The following ZNF236 variants were observed in gnomAD, a reference collection of about 807,000 sequenced individuals.
The protein encoded by ZNF236 is regulated by glucose.
A neutral mutation model predicts 191.2 loss-of-function variants in ZNF236; 50 were observed. The observed-to-expected ratio is 0.26, with a 90% confidence interval of 0.21 to 0.33. The LOEUF is 0.33. Ranked by LOEUF, ZNF236 falls within the 10% of genes least tolerant of loss-of-function variation. ZNF236 has a pLI of 1.00. For synonymous variants in ZNF236, 907 were observed against 928.8 expected (o/e 0.98, Z 0.43); for missense variants, 1,754 against 2,374.5 (o/e 0.74, Z 5.43).
intron 9 of ZNF236, among the ~76,000 whole-genome samples, chr18:76,894,659 C>T (rs936005605): frequency 6.6e-6 from 1 of 152,004 alleles, no homozygotes; most frequent in Non-Finnish European, 1.5e-5. Context: ...AATACTTATT[C>T]CAGTGTCATT....
chr18:76,919,735 CTTCA>C lies in ZNF236; in HGVS notation c.3275-38_3275-35del, dbSNP rs746511703. Reference sequence around the variant, plus strand: ...TTGTTTTGCTAAAAACCTAGGTTTTCTTCATTACGATTTTGATCCCTTTTCCTTG... The same window carrying C: ...TTGTTTTGCTAAAAACCTAGGTTTTCTTACGATTTTGATCCCTTTTCCTTG... On this transcript the variant is annotated intron_variant, in intron 19 of 30. Coordinates refer to ENST00000320610, the MANE Select transcript of ZNF236 (RefSeq NM_001306089.2). The surrounding 1 kb of genome is among the most constrained non-coding windows in gnomAD (Gnocchi z 5.3). 6.3e-7 allele frequency: 1 copy of C among 1,599,964 alleles called. No homozygotes were observed. The highest frequency in any genetic ancestry group is 1.3e-5 in the African/African-American group (1 of 74,442).
At chr18:76,848,531 T>C (rs1975768151) in intron 1 of ZNF236, among the ~76,000 whole-genome samples, 1 of 152,238 alleles carries the variant, frequency 6.6e-6, no homozygotes, top group Non-Finnish European at 1.5e-5. Context: ...TATAGTCTTA[T>C]TTGAAAATAC....
chr18:76,930,637 G>A (rs1375393385), intron 25 of ZNF236, among the ~76,000 whole-genome samples: 5 of 152,188 alleles, frequency 3.3e-5, no homozygotes, highest in East Asian at 3.9e-4. Flanking sequence ...CACAGCACAC[G>A]GGAAACCGCA....
chr18:76,917,303 C>A (rs561871121), intron 19 of ZNF236, among the ~76,000 whole-genome samples: 9 of 152,312 alleles, frequency 5.9e-5, no homozygotes, highest in African/African-American at 1.4e-4. Context: ...ATTTCTAGAA[C>A]CCCGTCATTT....
At chr18:76,910,954 G>A (rs1967202725) in intron 16 of ZNF236, 143 bp downstream of exon 16, 1 of 873,290 alleles carries the variant, frequency 1.1e-6, no homozygotes, top group Non-Finnish European at 1.7e-6. Context: ...TGCATTACCT[G>A]GGAAATCCTC....
chr18:76,874,323 C>G (rs1477560126), intron 5 of ZNF236, among the ~76,000 whole-genome samples: 1 of 152,170 alleles, frequency 6.6e-6, no homozygotes, highest in Non-Finnish European at 1.5e-5. Flanking sequence ...AACTCAGCTG[C>G]TTTCTGTTTC....
intron 3 of ZNF236, among the ~76,000 whole-genome samples, chr18:76,855,031 T>C (rs1976003347): frequency 6.6e-6 from 1 of 152,188 alleles, no homozygotes; most frequent in Non-Finnish European, 1.5e-5. Context: ...GTTCAAGTGA[T>C]TCTCCTGCCT....
intron 9 of ZNF236, chr18:76,886,503 G>A: frequency 5.2e-6 from 1 of 192,620 alleles, no homozygotes; most frequent in South Asian, 9.9e-5. Context: ...ACCTGAGAAG[G>A]GGGCACCATG....
intron 3 of ZNF236, among the ~76,000 whole-genome samples, chr18:76,861,703 T>C (rs1427399616): frequency 2.6e-5 from 4 of 152,164 alleles, no homozygotes; most frequent in Non-Finnish European, 5.9e-5. Context: ...ACCTCTAAGG[T>C]TCCAGCCACA....
At position 76,927,047 on chromosome 18, in the gene ZNF236, C is replaced by A; in HGVS notation, c.4038C>A (p.Asp1346Glu). The A allele has an allele frequency of 6.2e-7, 1 of 1,611,354 alleles. No individual in the cohort carries two copies. Among genetic ancestry groups the A allele is most frequent in the Non-Finnish European group, 8.5e-7 (1 of 1,177,798 alleles). Residue 1346 changes from aspartate (D) to glutamate (E), a missense_variant, in exon 23 of 31, where the codon GAC becomes GAA. Coordinates refer to ENST00000320610, the MANE Select transcript of ZNF236 (RefSeq NM_001306089.2). The surrounding 1 kb of genome is among the most constrained non-coding windows in gnomAD (Gnocchi z 5.4). ...ILPASVSAGGDLTVSLTDGSL... is the reference protein window; with the variant it reads ...ILPASVSAGGELTVSLTDGSL... ...TCTTTCTCTGGCCAGCTGGGGGTGA[C>A]CTGACCGTGTCTCTGACAGATGGGA... is the stretch of plus-strand genomic sequence containing the variant.
In ZNF236 at chr18:76,960,544, G is replaced by A; in HGVS notation, c.5243-135G>A. 1 of 1,178,164 alleles carries A rather than the reference G, an allele frequency of 8.5e-7. No individual in the cohort carries two copies. Among genetic ancestry groups the A allele is most frequent in the East Asian group, 2.3e-5 (1 of 42,720 alleles). The allele number at this position is 1,178,164 out of a possible 1,614,324, so 73.0% of individuals were successfully genotyped here. On this transcript the variant is annotated intron_variant, in intron 29 of 30. Transcript: ENST00000320610. The surrounding 1 kb of genome is among the most constrained non-coding windows in gnomAD (Gnocchi z 4.4). ...CTCCCTATGGCTCCTCCAGCCCTTT[G>A]TTCAGATGACAGCCAGGCTGAAAGC...
chr18:76,855,482 AT>A (rs1191026506), intron 3 of ZNF236, among the ~76,000 whole-genome samples: 1 of 152,158 alleles, frequency 6.6e-6, no homozygotes, highest in African/African-American at 2.4e-5. Flanking sequence ...AACCCATAAT[AT>A]TCTGTGCCTT....
chr18:76,880,404 C>T lies in ZNF236; in HGVS notation c.1188+88C>T. 2 of 1,347,646 alleles carry T rather than the reference C, an allele frequency of 1.5e-6. No homozygotes were observed. The highest frequency in any genetic ancestry group is 2.0e-6 in the Non-Finnish European group (2 of 1,004,652). 83.5% of individuals were successfully genotyped at this position (1,347,646 alleles called of 1,614,324 possible). ...GATAATTGAGAATAAATCTGCAGGG[C>T]TTGTCAAAGTCAGGGTATCCTCATG... On this transcript the variant is annotated intron_variant, in intron 8 of 30. Coordinates refer to ENST00000320610, the MANE Select transcript of ZNF236 (RefSeq NM_001306089.2). The surrounding 1 kb of genome is among the most constrained non-coding windows in gnomAD (Gnocchi z 5.0).
At chr18:76,959,063 T>C (rs1283772589) in intron 28 of ZNF236, among the ~76,000 whole-genome samples, 1 of 152,260 alleles carries the variant, frequency 6.6e-6, no homozygotes, top group Non-Finnish European at 1.5e-5. Flanking sequence ...TTGAGAAATT[T>C]GCAGTCACGT....
intron 3 of ZNF236, among the ~76,000 whole-genome samples, chr18:76,865,108 G>A (rs972934123): frequency 6.6e-6 from 1 of 152,142 alleles, no homozygotes; most frequent in East Asian, 1.9e-4. Flanking sequence ...AGGCCGAGGC[G>A]GGCAGATCAC....
In ZNF236 at chr18:76,875,689, C is replaced by A; in HGVS notation, c.840+25C>A. 1 of 1,500,884 alleles carries A rather than the reference C, an allele frequency of 6.7e-7. No individual in the cohort carries two copies. Among genetic ancestry groups the A allele is most frequent in the Non-Finnish European group, 9.0e-7 (1 of 1,114,848 alleles). 93.0% of individuals were successfully genotyped at this position (1,500,884 alleles called of 1,614,324 possible). A position where few individuals can be genotyped will look rare whatever the true frequency, so the allele number is the denominator to read the frequency against. ...GGTAAACACGGGTTGGGGGCATAAG[C>A]GGTATTTCACAGGGGACAGTAGGTA... On this transcript the variant is annotated intron_variant, in intron 6 of 30. Transcript: ENST00000320610. This position sits in a 1 kb window ranked among gnomAD's most constrained non-coding sequence, Gnocchi z 4.3.
chr18:76,866,275 G>C (rs1202668898), intron 3 of ZNF236, among the ~76,000 whole-genome samples: 1 of 152,220 alleles, frequency 6.6e-6, no homozygotes, highest in African/African-American at 2.4e-5. Context: ...ATCAGGTTCT[G>C]TAAGTGTTGA....
rs748363709 is a variant in ZNF236 at position 76,912,273 on chromosome 18, A to T, written c.2835A>T (p.Gln945His). Reference sequence around the variant, plus strand: ...CTCGCTTGATTCAGGAGTCATCCCAAGAGGAACTGGACCTGCAGGCACAAG... The same window carrying T: ...CTCGCTTGATTCAGGAGTCATCCCATGAGGAACTGGACCTGCAGGCACAAG... ...VTTRLIQESS[Q>H]EELDLQAQGS... The change falls in exon 17 of 31, where the codon CAA becomes CAT. Residue 945 changes from glutamine (Q) to histidine (H), a missense_variant. Gln to His is a conservative substitution (Grantham distance 24). Coordinates refer to ENST00000320610, the MANE Select transcript of ZNF236 (RefSeq NM_001306089.2). 9.9e-6 allele frequency: 16 copies of T among 1,614,108 alleles called. No homozygotes were observed. The East Asian group carries it at 3.6e-4, about 36-fold the overall frequency.
chr18:76,843,307 T>C (rs538405274), intron 1 of ZNF236, among the ~76,000 whole-genome samples: 3 of 152,092 alleles, frequency 2.0e-5, no homozygotes, highest in Non-Finnish European at 2.9e-5. Flanking sequence ...TATTTCCAAA[T>C]ATTTAATGTG....
Sources: allele counts gnomAD v4.1 joint callset (sites outside exome capture counted in the v4.1 genomes callset), GRCh38; gene constraint gnomAD v4.1.1; non-coding constraint Gnocchi (gnomAD v3.1); transcripts MANE v1.5; gene names NCBI Gene and HGNC (gene_info 2026-07-23, HGNC 2026-07-21).